Variants in DLG1 observed in about 807,000 individuals in gnomAD.
DLG1 encodes the protein discs large MAGUK scaffold protein 1.
Under a neutral mutation model 123.4 loss-of-function variants are expected in DLG1, and 42 were observed. That is an observed-to-expected ratio of 0.34 (90% CI 0.27 to 0.44). The LOEUF (loss-of-function observed/expected upper bound fraction) is 0.44. DLG1 is among the 20% of genes least tolerant of loss of function. The pLI is 1.00. For missense variants in DLG1, 942 were observed against 1,082.6 expected (o/e 0.87, Z 1.82); for synonymous variants, 317 against 356.2 (o/e 0.89, Z 1.24).
chr3:197,162,157 C>T, intron 5 of DLG1, among the ~76,000 whole-genome samples: 1 of 152,024 alleles, frequency 6.6e-6, no homozygotes, highest in East Asian at 1.9e-4. Flanking sequence ...ATCAGGCAGA[C>T]AAAGAGAGTT....
At chr3:197,231,890 C>T (rs779006404) in intron 4 of DLG1, among the ~76,000 whole-genome samples, 3 of 144,050 alleles carry the variant, frequency 2.1e-5, no homozygotes, top group African/African-American at 7.8e-5. Flanking sequence ...GCTGCTTTCA[C>T]AGTTGAAGAC....
At chr3:197,066,672 A>T (rs1304334927) in intron 20 of DLG1, 32 bp downstream of exon 20, 1 of 1,509,322 alleles carries the variant, frequency 6.6e-7, no homozygotes, top group African/African-American at 1.4e-5. Context: ...ATTCTTCTAG[A>T]AGGTTATAAA....
intron 4 of DLG1, chr3:197,225,812 G>C (rs954952408): frequency 2.0e-5 from 3 of 152,504 alleles, no homozygotes; most frequent in African/African-American, 7.2e-5. Context: ...AAATACTATT[G>C]GATTTTAAAA....
At chr3:197,186,371 G>T (rs1715992278) in intron 5 of DLG1, among the ~76,000 whole-genome samples, 1 of 152,080 alleles carries the variant, frequency 6.6e-6, no homozygotes, top group Non-Finnish European at 1.5e-5. Flanking sequence ...TAAAATAATG[G>T]ATGAAAAGAT....
At chr3:197,298,623 C>G (rs1244839214), upstream of DLG1, 1 of 159,982 alleles carries the variant, frequency 6.3e-6, no homozygotes, top group African/African-American at 2.5e-5. Flanking sequence ...AGATCCCCAC[C>G]GGGGAAAAGC....
At chr3:197,125,785 G>A (rs1778749245) in intron 11 of DLG1, among the ~76,000 whole-genome samples, 1 of 152,170 alleles carries the variant, frequency 6.6e-6, no homozygotes, top group Non-Finnish European at 1.5e-5. Context: ...ACATGACCAG[G>A]AATGACAGCA....
At chr3:197,082,373 C>T (rs6767781) in intron 16 of DLG1, among the ~76,000 whole-genome samples, 18,626 of 151,460 alleles carry the variant, frequency 0.12, 1,398 homozygotes, top group South Asian at 0.32. Flanking sequence ...CCGTCCCCCA[C>T]CCCAAACAAA....
intron 4 of DLG1, among the ~76,000 whole-genome samples, chr3:197,279,181 G>A (rs1767978065): frequency 1.3e-5 from 2 of 152,188 alleles, no homozygotes; most frequent in Non-Finnish European, 1.5e-5. Context: ...ATGGATGGGT[G>A]AAAGGGAACA....
intron 15 of DLG1, among the ~76,000 whole-genome samples, chr3:197,087,367 T>C (rs1362147576): frequency 6.6e-6 from 1 of 151,410 alleles, no homozygotes; most frequent in East Asian, 1.9e-4. Context: ...TAGAAATACA[T>C]TGACTAAAAA....
rs372380234 is a variant in DLG1, at chr3:197,292,343, C to T, written c.151+4003G>A. ...ATGAATGAACCTTGCGGACTCTACA[C>T]TGAGTGAAATAAGCCAGTCGCAAAA... On this transcript the variant is annotated intron_variant, in intron 3 of 24. Transcript: ENST00000667157. 7.9e-5 allele frequency among the ~76,000 whole-genome samples: 12 copies of T among 152,304 alleles called. No individual in the cohort carries two copies. In the East Asian group the frequency reaches 1.5e-3, roughly 20 times the overall value.
In DLG1 at chr3:197,082,280, G is replaced by T. The variant is rs549473400; in HGVS notation, c.1839-1163C>A. On this transcript the variant is annotated intron_variant, in intron 16 of 24. Transcript: ENST00000667157. ...AGCTACTTGGGAGGCTGAGGCAGGAGAATCGCTTGAATCCAGGAAGTGGAG... is the reference window on the plus strand; with the variant it reads ...AGCTACTTGGGAGGCTGAGGCAGGATAATCGCTTGAATCCAGGAAGTGGAG... Among the ~76,000 whole-genome samples the T allele has an allele frequency of 1.0e-3, 159 of 152,192 alleles. 3 individuals carry two copies. Among genetic ancestry groups the T allele is most frequent in the African/African-American group, 3.5e-3 (144 of 41,532 alleles).
intron 4 of DLG1, among the ~76,000 whole-genome samples, chr3:197,199,208 T>C (rs1577965674): frequency 6.6e-6 from 1 of 152,186 alleles, no homozygotes; most frequent in Non-Finnish European, 1.5e-5. Context: ...CTTATACTTG[T>C]ACCTTTAAGA....
At chr3:197,213,580 A>G in intron 4 of DLG1, among the ~76,000 whole-genome samples, 1 of 152,258 alleles carries the variant, frequency 6.6e-6, no homozygotes, top group Non-Finnish European at 1.5e-5. Flanking sequence ...AAAAATGATT[A>G]AACAAAATAG....
At chr3:197,045,032 T>C (rs980232508) in intron 24 of DLG1, among the ~76,000 whole-genome samples, 1 of 152,144 alleles carries the variant, frequency 6.6e-6, no homozygotes, top group Non-Finnish European at 1.5e-5. Flanking sequence ...TTCTTAACTT[T>C]CCTGATTTCT....
At chr3:197,228,910 G>C (rs1197599481) in intron 4 of DLG1, among the ~76,000 whole-genome samples, 1 of 152,124 alleles carries the variant, frequency 6.6e-6, no homozygotes, top group Non-Finnish European at 1.5e-5. Flanking sequence ...ATTATCAAAA[G>C]CTTGGAAAAA....
At position 197,105,022 on chromosome 3, in the gene DLG1, A is replaced by C. The variant is rs780466113; in HGVS notation, c.1444-17T>G. The C allele has an allele frequency of 4.0e-6, 6 of 1,501,058 alleles. No individual in the cohort carries two copies. The South Asian group carries it at 5.9e-5, about 15-fold the overall frequency. The allele number at this position is 1,501,058 out of a possible 1,614,324, so 93.0% of individuals were successfully genotyped here. On this transcript the variant is annotated splice_polypyrimidine_tract_variant and intron_variant, in intron 13 of 24. Coordinates refer to ENST00000667157, the MANE Select transcript of DLG1 (RefSeq NM_001366207.1). ...ACTGTTTACCTGTAAATCAAACCAAATCTTAATTTGGGAGAAAAGAATCAC... is the reference window on the plus strand; with the variant it reads ...ACTGTTTACCTGTAAATCAAACCAACTCTTAATTTGGGAGAAAAGAATCAC...
At chr3:197,254,941 A>C (rs1462526951) in intron 4 of DLG1, among the ~76,000 whole-genome samples, 1 of 152,060 alleles carries the variant, frequency 6.6e-6, no homozygotes, top group African/African-American at 2.4e-5. Context: ...TTGTAATCCT[A>C]GCTACTCAGG....
At chr3:197,155,227 A>C (rs1795833775) in intron 5 of DLG1, among the ~76,000 whole-genome samples, 1 of 152,192 alleles carries the variant, frequency 6.6e-6, no homozygotes, top group Non-Finnish European at 1.5e-5. Flanking sequence ...TTATCAGCAG[A>C]CTTCACATCA....
intron 5 of DLG1, among the ~76,000 whole-genome samples, chr3:197,165,021 C>T (rs1800715939): frequency 6.6e-6 from 1 of 151,894 alleles, no homozygotes; most frequent in South Asian, 2.1e-4. Context: ...TGGGACATTG[C>T]TTATGACAAA....
Sources: gnomAD v4.1 joint callset for allele counts (sites outside exome capture counted in the v4.1 genomes callset) on GRCh38, gnomAD v4.1.1 for gene constraint, MANE v1.5 for transcripts, NCBI Gene and HGNC (gene_info 2026-07-23, HGNC 2026-07-21) for gene names.